GRID2: variants seen among roughly 807,000 people sequenced by gnomAD.
GRID2 encodes the protein glutamate ionotropic receptor delta type subunit 2.
GRID2 carries 33 observed loss-of-function variants against 114.8 expected under a neutral mutation model. That is an observed-to-expected ratio of 0.29 (90% CI 0.22 to 0.38). The LOEUF is 0.38. Among genes scored for constraint, GRID2 ranks in the 10% least tolerant of loss-of-function variants. The probability of loss-of-function intolerance (pLI) is 1.00; values close to 1 mark genes in which losing one functional copy is unlikely to be tolerated. For missense variants in GRID2, 1,184 were observed against 1,257.7 expected, an observed-to-expected ratio of 0.94 and a Z score of 0.89; for synonymous variants, 505 against 449.9, an observed-to-expected ratio of 1.12 and a Z score of -1.55.
chr4:93,052,473 A>G (rs762595058), intron 2 of GRID2, among the ~76,000 whole-genome samples: 4 of 151,998 alleles, frequency 2.6e-5, no homozygotes, highest in Non-Finnish European at 5.9e-5. Context: ...GGTGGAGACT[A>G]TTATTCCTAG....
chr4:93,432,880 A>G (rs1769553361), intron 10 of GRID2, among the ~76,000 whole-genome samples: 2 of 152,092 alleles, frequency 1.3e-5, no homozygotes. Flanking sequence ...TGAGCAACAT[A>G]GAGAGACCTC....
intron 2 of GRID2, among the ~76,000 whole-genome samples, chr4:92,737,032 T>A (rs1201533095): frequency 6.6e-6 from 1 of 152,054 alleles, no homozygotes; most frequent in Non-Finnish European, 1.5e-5. Context: ...ATATTTTTAA[T>A]TAAAAACATT....
chr4:92,557,796 A>C (rs1436406298), intron 1 of GRID2, among the ~76,000 whole-genome samples: 1 of 152,060 alleles, frequency 6.6e-6, no homozygotes, highest in African/African-American at 2.4e-5. Flanking sequence ...CTGAAACACA[A>C]AGGCATCAGG....
chr4:93,323,671 G>A (rs1053765133), intron 8 of GRID2, among the ~76,000 whole-genome samples: 16 of 151,890 alleles, frequency 1.1e-4, no homozygotes, highest in Non-Finnish European at 1.5e-4. Context: ...GATTCTTCGT[G>A]TCCATGAGCA....
At chr4:93,104,528 A>T (rs1201050591) in intron 3 of GRID2, among the ~76,000 whole-genome samples, 2 of 151,802 alleles carry the variant, frequency 1.3e-5, no homozygotes, top group East Asian at 2.0e-4. Flanking sequence ...TCATTGTTCA[A>T]TTCCCACCTA....
At chr4:92,788,600 T>C (rs1425255922) in intron 2 of GRID2, among the ~76,000 whole-genome samples, 2 of 151,880 alleles carry the variant, frequency 1.3e-5, no homozygotes, top group East Asian at 3.9e-4. Flanking sequence ...CATCAATACT[T>C]AGTATTATTT....
At chr4:92,422,293 C>T (rs1005572463) in intron 1 of GRID2, among the ~76,000 whole-genome samples, 1 of 152,034 alleles carries the variant, frequency 6.6e-6, no homozygotes, top group Non-Finnish European at 1.5e-5. Context: ...ATTTAGAGAC[C>T]TTTCCAGGGA....
intron 2 of GRID2, among the ~76,000 whole-genome samples, chr4:92,715,341 T>C (rs1453221388): frequency 6.6e-6 from 1 of 152,178 alleles, no homozygotes; most frequent in South Asian, 2.1e-4. Flanking sequence ...AACACGACTT[T>C]AGGGAATTCC....
intron 1 of GRID2, among the ~76,000 whole-genome samples, chr4:93,797,940 G>A (rs1734840317): frequency 6.6e-6 from 1 of 151,360 alleles, no homozygotes; most frequent in East Asian, 1.9e-4. Context: ...ATCACCTGAG[G>A]TCAGGAGTTC....
At chr4:92,652,671 T>G (rs1211027329) in intron 2 of GRID2, among the ~76,000 whole-genome samples, 1 of 148,732 alleles carries the variant, frequency 6.7e-6, no homozygotes, top group Non-Finnish European at 1.5e-5. Context: ...GAACACTGTC[T>G]TAAAAATATG....
intron 13 of GRID2, among the ~76,000 whole-genome samples, chr4:93,574,548 C>A (rs1200621138): frequency 6.6e-6 from 1 of 152,136 alleles, no homozygotes; most frequent in East Asian, 1.9e-4. Flanking sequence ...ACCTGGTTGG[C>A]AGCAGGCAGA....
Position 93,136,232 on chromosome 4 carries a change from T to TTGTGTG in GRID2, c.735+25321_735+25326dup, listed in dbSNP as rs3970984. On this transcript the variant is annotated intron_variant, in intron 4 of 15. Coordinates refer to ENST00000282020, the MANE Select transcript of GRID2 (RefSeq NM_001510.4). The stretch of plus-strand genomic sequence containing the variant: ...CCTGTGTTAAAAATTCCAACAGTTA[T>TTGTGTG]TGTGTGTGTGTGTGTGTGTGTGTGT... Among the ~76,000 whole-genome samples, 159 of 142,352 alleles carry TTGTGTG rather than the reference T, an allele frequency of 1.1e-3. 1 individual carries two copies. The highest frequency in any genetic ancestry group is 9.6e-3 in the East Asian group (46 of 4,796). 93.4% of individuals were successfully genotyped at this position (142,352 alleles called of 152,430 possible). A position where few individuals can be genotyped will look rare whatever the true frequency, so the allele number is the denominator to read the frequency against.
At chr4:92,552,665 C>A (rs1162554541) in intron 1 of GRID2, among the ~76,000 whole-genome samples, 5 of 152,024 alleles carry the variant, frequency 3.3e-5, no homozygotes, top group Admixed American at 1.3e-4. Context: ...TCTTAAGAAT[C>A]TAAAGGAAAA....
intron 2 of GRID2, among the ~76,000 whole-genome samples, chr4:93,037,426 A>G (rs992600219): frequency 2.0e-5 from 3 of 152,194 alleles, no homozygotes; most frequent in African/African-American, 4.8e-5. Flanking sequence ...TTTGCTGTGC[A>G]GAAGCTTTTT....
At chr4:92,911,800 T>C (rs1417347143) in intron 2 of GRID2, among the ~76,000 whole-genome samples, 1 of 151,768 alleles carries the variant, frequency 6.6e-6, no homozygotes, top group East Asian at 1.9e-4. Context: ...ACAAGAACAA[T>C]TTTTTCCTAG....
chr4:93,632,982 G>A (rs528005216), intron 14 of GRID2, among the ~76,000 whole-genome samples: 1 of 152,058 alleles, frequency 6.6e-6, no homozygotes, highest in Non-Finnish European at 1.5e-5. Flanking sequence ...TGAAGCAATT[G>A]TGAATGGGAG....
At chr4:93,747,062 C>T (rs1731904176) in intron 14 of GRID2, among the ~76,000 whole-genome samples, 1 of 151,972 alleles carries the variant, frequency 6.6e-6, no homozygotes, top group African/African-American at 2.4e-5. Flanking sequence ...AAAATCTGTG[C>T]CATGACAGTC....
intron 2 of GRID2, among the ~76,000 whole-genome samples, chr4:92,735,758 T>G (rs1736561106): frequency 6.6e-6 from 1 of 152,070 alleles, no homozygotes; most frequent in South Asian, 2.1e-4. Flanking sequence ...TTATTTTATA[T>G]CATAAGATCT....
intron 4 of GRID2, among the ~76,000 whole-genome samples, chr4:93,158,556 CT>C (rs1234594949): frequency 2.0e-5 from 3 of 151,704 alleles, no homozygotes; most frequent in Non-Finnish European, 4.4e-5. Context: ...ATTTCCATAT[CT>C]GTCATATTTG....
Sources: gnomAD v4.1 joint callset for allele counts (sites outside exome capture counted in the v4.1 genomes callset) on GRCh38, gnomAD v4.1.1 for gene constraint, MANE v1.5 for transcripts, NCBI Gene and HGNC (gene_info 2026-07-23, HGNC 2026-07-21) for gene names.